Variants in NELL2 observed in about 807,000 individuals in gnomAD.
The protein encoded by NELL2 is neural EGFL like 2, also known as protein kinase C-binding protein NELL2.
A neutral mutation model predicts 109.6 loss-of-function variants in NELL2; 41 were observed. That is an observed-to-expected ratio of 0.37 (90% CI 0.29 to 0.49). The LOEUF (loss-of-function observed/expected upper bound fraction) is 0.49. NELL2 is among the 20% of genes least tolerant of loss of function. The pLI is 0.98. For synonymous variants in NELL2, 355 were observed against 344.7 expected (o/e 1.03, Z -0.33); for missense variants, 900 against 1,008.3 (o/e 0.89, Z 1.45).
intron 3 of NELL2, among the ~76,000 whole-genome samples, chr12:44,800,900 T>A (rs1024012875): frequency 3.0e-4 from 46 of 152,186 alleles, no homozygotes; most frequent in African/African-American, 1.1e-3. Flanking sequence ...CTGTCAACAC[T>A]GCATCATCTG....
chr12:44,829,109 CT>C (rs905003712), intron 2 of NELL2, among the ~76,000 whole-genome samples: 4 of 152,130 alleles, frequency 2.6e-5, no homozygotes, highest in African/African-American at 9.7e-5. Context: ...AATAGCCTTT[CT>C]CTTTATCATC....
chr12:44,716,604 G>A lies in NELL2; in HGVS notation c.995-1863C>T, dbSNP rs569310503. 5.9e-5 allele frequency among the ~76,000 whole-genome samples: 9 copies of A among 152,018 alleles called. No individual in the cohort carries two copies. The South Asian group carries it at 1.9e-3, about 32-fold the overall frequency. ...AAACTCAGTAACCTCAACATACCAA[G>A]ACCTAGCATATTGCATGTTTAATTA... On this transcript the variant is annotated intron_variant, in intron 9 of 19. Coordinates refer to ENST00000429094, the MANE Select transcript of NELL2 (RefSeq NM_001145108.2).
At position 44,508,712 on chromosome 12, in the gene NELL2, G is replaced by A; in HGVS notation, c.*222C>T. 2 of 547,846 alleles carry A rather than the reference G, an allele frequency of 3.7e-6. No homozygotes were observed. The highest frequency in any genetic ancestry group is 4.3e-5 in the South Asian group (2 of 46,852). The allele number at this position is 547,846 out of a possible 1,614,324, so 33.9% of individuals were successfully genotyped here. ...TACGCCCATTCTTCTACATGGTGAT[G>A]TGAGACACAGTAGAGGCAGACTTGA... On this transcript the variant is annotated 3_prime_UTR_variant, in exon 20 of 20. Coordinates refer to ENST00000429094, the MANE Select transcript of NELL2 (RefSeq NM_001145108.2).
chr12:44,634,041 C>G (rs935370026), intron 13 of NELL2, among the ~76,000 whole-genome samples: 2 of 152,022 alleles, frequency 1.3e-5, no homozygotes, highest in South Asian at 4.1e-4. Context: ...GATCCAATTC[C>G]TTCTTCTACT....
At chr12:44,820,619 A>AG (rs540883055) in intron 2 of NELL2, among the ~76,000 whole-genome samples, 9,107 of 151,116 alleles carry the variant, frequency 0.06, 370 homozygotes, top group Middle Eastern at 0.11. Flanking sequence ...AAAAAAAAAA[A>AG]AAAGAAAAAG....
intron 2 of NELL2, among the ~76,000 whole-genome samples, chr12:44,868,764 G>T (rs1020541328): frequency 6.6e-6 from 1 of 152,102 alleles, no homozygotes; most frequent in Admixed American, 6.5e-5. Flanking sequence ...GGAGATGTTG[G>T]TCAAAGGACC....
At chr12:44,740,423 T>C (rs1240095002) in intron 9 of NELL2, among the ~76,000 whole-genome samples, 1 of 152,162 alleles carries the variant, frequency 6.6e-6, no homozygotes, top group Non-Finnish European at 1.5e-5. Context: ...TGTTGTCCTA[T>C]CTGTGAACTA....
chr12:44,746,933 A>G lies in NELL2; in HGVS notation c.994+27814T>C, dbSNP rs545924604. The stretch of plus-strand genomic sequence containing the variant: ...AGAACTAAAAATACCATTTGACCCA[A>G]CCATCCCATTACTGGGTATATACCC... On this transcript the variant is annotated intron_variant, in intron 9 of 19. Coordinates refer to ENST00000429094, the MANE Select transcript of NELL2 (RefSeq NM_001145108.2). Among the ~76,000 whole-genome samples the G allele has an allele frequency of 4.2e-3, 638 of 152,248 alleles. 5 individuals carry two copies. Among genetic ancestry groups the G allele is most frequent in the African/African-American group, 0.014 (596 of 41,556 alleles).
intron 1 of NELL2, among the ~76,000 whole-genome samples, chr12:44,892,646 A>G (rs1303570190): frequency 2.6e-5 from 4 of 151,538 alleles, no homozygotes; most frequent in African/African-American, 9.7e-5. Flanking sequence ...AAATACAAAA[A>G]CATTAGCCAG....
At chr12:44,801,279 C>T (rs982368224) in intron 3 of NELL2, among the ~76,000 whole-genome samples, 4 of 152,104 alleles carry the variant, frequency 2.6e-5, no homozygotes, top group African/African-American at 9.7e-5. Flanking sequence ...TCATGTGATG[C>T]TGCTGAAATA....
intron 13 of NELL2, among the ~76,000 whole-genome samples, chr12:44,660,233 C>A (rs143188141): frequency 1.1e-3 from 168 of 152,272 alleles, no homozygotes; most frequent in African/African-American, 3.9e-3. Flanking sequence ...ATGCATCTTA[C>A]AATTTTAATT....
upstream of NELL2, among the ~76,000 whole-genome samples, chr12:44,917,969 A>T (rs1407321656): frequency 6.6e-6 from 1 of 152,262 alleles, no homozygotes; most frequent in Non-Finnish European, 1.5e-5. Context: ...TTACAGCAGT[A>T]AAAAACTAAT....
At chr12:44,885,507 A>T (rs1481254105) in intron 1 of NELL2, among the ~76,000 whole-genome samples, 1 of 151,934 alleles carries the variant, frequency 6.6e-6, no homozygotes, top group African/African-American at 2.4e-5. Flanking sequence ...ATAATTAAAA[A>T]TACAATTTAA....
intron 9 of NELL2, among the ~76,000 whole-genome samples, chr12:44,740,089 C>A (rs967254717): frequency 6.6e-6 from 1 of 152,222 alleles, no homozygotes; most frequent in South Asian, 2.1e-4. Flanking sequence ...CACTATTCCA[C>A]CCAAATTATT....
intron 3 of NELL2, among the ~76,000 whole-genome samples, chr12:44,788,792 C>T (rs1942273827): frequency 6.6e-6 from 1 of 152,158 alleles, no homozygotes; most frequent in South Asian, 2.1e-4. Context: ...CACCCACCAC[C>T]TGGAAACAGA....
At position 44,723,488 on chromosome 12, in the gene NELL2, A is replaced by G. The variant is rs542864663; in HGVS notation, c.995-8747T>C. Among the ~76,000 whole-genome samples, 3 of 152,340 alleles carry G rather than the reference A, an allele frequency of 2.0e-5. No individual in the cohort carries two copies. In the South Asian group the frequency reaches 6.2e-4, roughly 32 times the overall value. ...ATATACGACAATAAATATGTACTTT[A>G]AACATTTTAAACACACAAATTCACA... is the stretch of plus-strand genomic sequence containing the variant. On this transcript the variant is annotated intron_variant, in intron 9 of 19. Transcript: ENST00000429094.
chr12:44,740,940 T>C (rs1939922961), intron 9 of NELL2, among the ~76,000 whole-genome samples: 1 of 152,152 alleles, frequency 6.6e-6, no homozygotes, highest in African/African-American at 2.4e-5. Flanking sequence ...TAATAAAAAA[T>C]ATAGCAATTA....
chr12:44,636,977 T>C (rs1268444422), intron 13 of NELL2, among the ~76,000 whole-genome samples: 1 of 152,178 alleles, frequency 6.6e-6, no homozygotes, highest in Non-Finnish European at 1.5e-5. Context: ...TGGTTTAGTG[T>C]TGGGAGGGTG....
chr12:44,719,342 T>C (rs1410503735), intron 9 of NELL2, among the ~76,000 whole-genome samples: 1 of 152,198 alleles, frequency 6.6e-6, no homozygotes, highest in African/African-American at 2.4e-5. Flanking sequence ...TGCAGTTTCC[T>C]CTAATGAGAT....
Sources: gnomAD v4.1 joint callset for allele counts (sites outside exome capture counted in the v4.1 genomes callset) on GRCh38, gnomAD v4.1.1 for gene constraint, MANE v1.5 for transcripts, NCBI Gene and HGNC (gene_info 2026-07-23, HGNC 2026-07-21) for gene names.